The following RASSF8 variants were observed in gnomAD, a reference collection of about 807,000 sequenced individuals.
The protein encoded by RASSF8 is ras association domain-containing protein 8.
RASSF8 carries 22 observed loss-of-function variants against 48.5 expected under a neutral mutation model. The observed-to-expected ratio is 0.45, with a 90% CI of 0.32 to 0.65. The LOEUF is 0.65. Ranked by LOEUF, RASSF8 falls within the 30% of genes least tolerant of loss-of-function variation. The probability of loss-of-function intolerance (pLI) is 0.03; values close to 1 mark genes in which losing one functional copy is unlikely to be tolerated. For synonymous variants in RASSF8, 127 were observed against 171.5 expected, an observed-to-expected ratio of 0.74 and a Z score of 2.03; for missense variants, 418 against 489.2, an observed-to-expected ratio of 0.85 and a Z score of 1.37.
At position 26,065,116 on chromosome 12, in the gene RASSF8, A is replaced by G. The variant is rs1943840176; in HGVS notation, c.722A>G (p.Lys241Arg). 1 of 1,613,932 alleles carries G rather than the reference A, an allele frequency of 6.2e-7. No homozygotes were observed. Among genetic ancestry groups the G allele is most frequent in the South Asian group, 1.1e-5 (1 of 91,016 alleles). The change falls in exon 4 of 6, where the codon AAG becomes AGG. Residue 241 changes from lysine (K) to arginine (R), a missense_variant. Physicochemically the swap from Lys to Arg is conservative, Grantham distance 26. Transcript: ENST00000689635. ...QIEQENEKQLKDQLQEIRQKI... is the reference protein window; with the variant it reads ...QIEQENEKQLRDQLQEIRQKI... ...GAACAGGAAAATGAAAAACAGCTGAAGGATCAACTTCAAGAAATAAGACAG... is the reference window on the plus strand; with the variant it reads ...GAACAGGAAAATGAAAAACAGCTGAGGGATCAACTTCAAGAAATAAGACAG...
intron 1 of RASSF8, among the ~76,000 whole-genome samples, chr12:25,967,872 A>AGG (rs1565596861): frequency 6.6e-6 from 1 of 152,146 alleles, no homozygotes; most frequent in African/African-American, 2.4e-5. Flanking sequence ...CTGGAGTTAG[A>AGG]GACAACCCTG....
intron 2 of RASSF8, among the ~76,000 whole-genome samples, chr12:25,998,653 C>T (rs1364337091): frequency 6.6e-6 from 1 of 152,078 alleles, no homozygotes; most frequent in Non-Finnish European, 1.5e-5. Context: ...GGCAAGAAAG[C>T]TTTTCTTAAG....
Position 26,019,717 on chromosome 12 carries a change from A to T in RASSF8, c.-109+24587A>T, listed in dbSNP as rs187362478. ...TGCAGAAGGGTACCATGTTATTTTT[A>T]AAAATTATTACTATTTTTTATTATG... On this transcript the variant is annotated intron_variant, in intron 2 of 5. Transcript: ENST00000689635. Among the ~76,000 whole-genome samples the T allele has an allele frequency of 3.2e-3, 480 of 152,274 alleles. 5 individuals carry two copies. Among genetic ancestry groups the T allele is most frequent in the Admixed American group, 6.0e-3 (91 of 15,282 alleles).
intron 1 of RASSF8, among the ~76,000 whole-genome samples, chr12:25,966,076 T>G (rs1941353239): frequency 6.6e-6 from 1 of 152,196 alleles, no homozygotes; most frequent in African/African-American, 2.4e-5. Context: ...GATCTTATGG[T>G]AGGTGTATGC....
intron 1 of RASSF8, among the ~76,000 whole-genome samples, chr12:25,978,148 C>A (rs1941653565): frequency 6.6e-6 from 1 of 152,170 alleles, no homozygotes; most frequent in African/African-American, 2.4e-5. Flanking sequence ...ACTCTTCTAA[C>A]ACAATTTTTT....
chr12:26,073,574 G>A (rs531154717), downstream of RASSF8, among the ~76,000 whole-genome samples: 2 of 152,018 alleles, frequency 1.3e-5, no homozygotes, highest in South Asian at 2.1e-4. Flanking sequence ...CCGTCTGTAC[G>A]AAAAGTAAAA....
chr12:26,055,515 A>C (rs777639390), intron 3 of RASSF8, 69 bp downstream of exon 3: 6 of 1,293,762 alleles, frequency 4.6e-6, no homozygotes, highest in Non-Finnish European at 6.7e-6. Context: ...GTTTGTTTTA[A>C]ATATAGATTT....
intron 2 of RASSF8, among the ~76,000 whole-genome samples, chr12:26,012,154 G>A (rs1942542267): frequency 6.6e-6 from 1 of 152,192 alleles, no homozygotes; most frequent in South Asian, 2.1e-4. Flanking sequence ...AATGAAGTGT[G>A]TGATCTTGGG....
rs560296129 is a variant in RASSF8 at position 26,070,881 on chromosome 12, A to G, written c.*2063A>G. On this transcript the variant is annotated 3_prime_UTR_variant, in exon 6 of 6. Coordinates refer to ENST00000689635, the MANE Select transcript of RASSF8 (RefSeq NM_001394098.1). The stretch of plus-strand genomic sequence containing the variant: ...ACCACGAAAAACACTGTCAATATCC[A>G]ACTCATTATAAATTGTTATCAGAAT... 5.6e-5 allele frequency: 55 copies of G among 984,932 alleles called. No homozygotes were observed. Among genetic ancestry groups the G allele is most frequent in the Admixed American group, 1.2e-4 (2 of 16,284 alleles). The allele number at this position is 984,932 out of a possible 1,614,324, so 61.0% of individuals were successfully genotyped here.
chr12:26,018,502 A>G (rs935563418), intron 2 of RASSF8, among the ~76,000 whole-genome samples: 1 of 152,228 alleles, frequency 6.6e-6, no homozygotes, highest in African/African-American at 2.4e-5. Context: ...AATGTGGATC[A>G]CAGCATTAGT....
intron 2 of RASSF8, chr12:26,052,434 C>T (rs1051517670): frequency 6.6e-6 from 1 of 152,138 alleles, no homozygotes; most frequent in Non-Finnish European, 1.5e-5. Flanking sequence ...CATCTGGAAA[C>T]CTCATAATGA....
Position 25,987,944 on chromosome 12 carries a change from C to T in RASSF8, c.-202-7093C>T, listed in dbSNP as rs532063074. ...TCGTCTCACTGCAACCTCTGCCTCC[C>T]GGGTTCAAGCGATTCTCCTGCCTCA... On this transcript the variant is annotated intron_variant, in intron 1 of 5. Transcript: ENST00000689635. 2.4e-3 allele frequency among the ~76,000 whole-genome samples: 357 copies of T among 151,878 alleles called. 1 individual carries two copies. Among genetic ancestry groups the T allele is most frequent in the African/African-American group, 8.3e-3 (343 of 41,442 alleles).
chr12:26,042,568 A>T (rs1006589626), intron 2 of RASSF8, among the ~76,000 whole-genome samples: 1 of 152,086 alleles, frequency 6.6e-6, no homozygotes, highest in African/African-American at 2.4e-5. Context: ...TGCTTAAGTG[A>T]TAAGGTGTTA....
chr12:26,012,550 A>G (rs1219655684), intron 2 of RASSF8, among the ~76,000 whole-genome samples: 1 of 152,192 alleles, frequency 6.6e-6, no homozygotes, highest in East Asian at 1.9e-4. Flanking sequence ...ACACCTAAAC[A>G]TAACTATATC....
intron 1 of RASSF8, among the ~76,000 whole-genome samples, chr12:25,960,607 G>T (rs890928566): frequency 6.6e-6 from 1 of 152,270 alleles, no homozygotes; most frequent in South Asian, 2.1e-4. Context: ...CAAGGATCAA[G>T]TACAACAAAA....
Position 26,072,754 on chromosome 12 carries a change from T to C in RASSF8, c.*3936T>C. The C allele has an allele frequency of 5.3e-6, 5 of 946,104 alleles. No homozygotes were observed. Among genetic ancestry groups the C allele is most frequent in the Non-Finnish European group, 6.3e-6 (5 of 794,210 alleles). The allele number at this position is 946,104 out of a possible 1,614,324, so 58.6% of individuals were successfully genotyped here. A position where few individuals can be genotyped will look rare whatever the true frequency, so the allele number is the denominator to read the frequency against. ...CTGTAATATGTATTATATGTAATTATCCTTTTCTTTGACTTTCATTTTAAA... is the reference window on the plus strand; with the variant it reads ...CTGTAATATGTATTATATGTAATTACCCTTTTCTTTGACTTTCATTTTAAA... On this transcript the variant is annotated 3_prime_UTR_variant, in exon 6 of 6. Coordinates refer to ENST00000689635, the MANE Select transcript of RASSF8 (RefSeq NM_001394098.1).
chr12:25,988,237 A>G (rs1471180311), intron 1 of RASSF8, among the ~76,000 whole-genome samples: 6 of 152,160 alleles, frequency 3.9e-5, no homozygotes, highest in Non-Finnish European at 7.3e-5. Flanking sequence ...TCTTTTTAAA[A>G]TAAGTTTTTT....
At chr12:25,959,894 G>A (rs1333765341) in intron 1 of RASSF8, 2 of 152,138 alleles carry the variant, frequency 1.3e-5, no homozygotes, top group African/African-American at 4.8e-5. Flanking sequence ...GCCTCAAATG[G>A]CATCTTGAAC....
chr12:26,003,828 C>A (rs944224059), intron 2 of RASSF8, among the ~76,000 whole-genome samples: 1 of 151,842 alleles, frequency 6.6e-6, no homozygotes, highest in Non-Finnish European at 1.5e-5. Context: ...TCATTATATG[C>A]CTTTAAAAAT....
Sources: gnomAD v4.1 joint callset for allele counts (sites outside exome capture counted in the v4.1 genomes callset) on GRCh38, gnomAD v4.1.1 for gene constraint, MANE v1.5 for transcripts, NCBI Gene and HGNC (gene_info 2026-07-23, HGNC 2026-07-21) for gene names.